The following DPP10 variants were observed in gnomAD, a reference collection of about 807,000 sequenced individuals.
The protein encoded by DPP10 is inactive dipeptidyl peptidase 10.
In DPP10, 33 loss-of-function variants were observed where a neutral mutation model predicts 120.9. The observed-to-expected ratio is 0.27, with a 90% CI of 0.21 to 0.37. DPP10 has a LOEUF of 0.37. Ranked by LOEUF, DPP10 falls within the 10% of genes least tolerant of loss-of-function variation. The pLI is 1.00. For missense variants in DPP10, 816 were observed against 942.8 expected, an observed-to-expected ratio of 0.87 and a Z score of 1.76; for synonymous variants, 337 against 326.1, an observed-to-expected ratio of 1.03 and a Z score of -0.36.
rs547711658 is a variant in DPP10, at chr2:114,953,994, T to C, written c.61-355245T>C. 1.1e-4 allele frequency among the ~76,000 whole-genome samples: 17 copies of C among 152,026 alleles called. No homozygotes were observed. The South Asian group carries it at 3.5e-3, about 32-fold the overall frequency. ...CTTATTTGCATGGGTCAAGACTTCT[T>C]GGAATTGTTCAACCAAAACAAAATG... is the stretch of plus-strand genomic sequence containing the variant. On this transcript the variant is annotated intron_variant, in intron 1 of 25. Coordinates refer to ENST00000410059, the MANE Select transcript of DPP10 (RefSeq NM_020868.6).
chr2:115,214,873 C>T (rs2056726652), intron 1 of DPP10, among the ~76,000 whole-genome samples: 1 of 152,166 alleles, frequency 6.6e-6, no homozygotes, highest in Non-Finnish European at 1.5e-5. Flanking sequence ...GTTTCCCAAT[C>T]CACTCGAATT....
At chr2:114,849,553 C>T (rs1688790640) in intron 1 of DPP10, among the ~76,000 whole-genome samples, 1 of 152,004 alleles carries the variant, frequency 6.6e-6, no homozygotes, top group Admixed American at 6.6e-5. Flanking sequence ...ACCCAGGCTG[C>T]TCTTGAACTC....
chr2:114,771,259 A>C (rs1487056324), intron 1 of DPP10, among the ~76,000 whole-genome samples: 3 of 152,196 alleles, frequency 2.0e-5, no homozygotes. Context: ...GTTGCAGGAG[A>C]CATTAGCCAT....
intron 1 of DPP10, among the ~76,000 whole-genome samples, chr2:114,466,526 A>T (rs1679394876): frequency 6.6e-6 from 1 of 152,044 alleles, no homozygotes; most frequent in Non-Finnish European, 1.5e-5. Context: ...GAGCTATGTG[A>T]CCTTAGGCAG....
intron 1 of DPP10, among the ~76,000 whole-genome samples, chr2:115,214,679 A>G (rs993714314): frequency 2.6e-5 from 4 of 152,142 alleles, no homozygotes; most frequent in East Asian, 1.9e-4. Flanking sequence ...CCTTTATTCA[A>G]TAACACTCAA....
At chr2:114,653,954 T>TG (rs1417433424) in intron 1 of DPP10, among the ~76,000 whole-genome samples, 1 of 152,180 alleles carries the variant, frequency 6.6e-6, no homozygotes, top group African/African-American at 2.4e-5. Flanking sequence ...TTCAATCTCT[T>TG]GGGGGTAATC....
chr2:115,764,640 A>G (rs1014231465), intron 12 of DPP10, among the ~76,000 whole-genome samples: 3 of 151,964 alleles, frequency 2.0e-5, no homozygotes, highest in African/African-American at 7.3e-5. Flanking sequence ...AGATTATGCT[A>G]TCTAATTTTT....
At chr2:114,582,128 C>CATAA (rs1690578359) in intron 1 of DPP10, among the ~76,000 whole-genome samples, 1 of 152,148 alleles carries the variant, frequency 6.6e-6, no homozygotes, top group Non-Finnish European at 1.5e-5. Context: ...CCCTCCTTAC[C>CATAA]CTCAACCCCT....
intron 10 of DPP10, among the ~76,000 whole-genome samples, chr2:115,747,450 T>G (rs925018440): frequency 3.9e-5 from 6 of 152,164 alleles, no homozygotes; most frequent in African/African-American, 1.4e-4. Context: ...TCCTTAACTC[T>G]TATCTTTTTC....
intron 3 of DPP10, among the ~76,000 whole-genome samples, chr2:115,349,024 G>A (rs116386810): frequency 0.014 from 2,150 of 152,174 alleles, 20 homozygotes; most frequent in South Asian, 0.035. Flanking sequence ...AAACGATGAG[G>A]AATAACTGTC....
chr2:115,162,242 G>A, intron 1 of DPP10: 1 of 1,562,464 alleles, frequency 6.4e-7, no homozygotes, highest in Non-Finnish European at 8.7e-7. Flanking sequence ...GGATGCGCAA[G>A]GTGGAGAGCC....
intron 8 of DPP10, among the ~76,000 whole-genome samples, chr2:115,728,968 A>G (rs1457199496): frequency 1.3e-5 from 2 of 152,240 alleles, no homozygotes; most frequent in Non-Finnish European, 2.9e-5. Context: ...GTGTACATGT[A>G]TATTTATATC....
intron 7 of DPP10, among the ~76,000 whole-genome samples, chr2:115,715,396 T>C (rs1452618137): frequency 6.6e-6 from 1 of 151,054 alleles, no homozygotes; most frequent in East Asian, 1.9e-4. Flanking sequence ...CTACTGGAAC[T>C]TGTTGGCCCA....
At chr2:114,759,289 A>G (rs1269124411) in intron 1 of DPP10, among the ~76,000 whole-genome samples, 1 of 152,210 alleles carries the variant, frequency 6.6e-6, no homozygotes, top group Non-Finnish European at 1.5e-5. Flanking sequence ...GACTAAACAG[A>G]GAACAGTGAC....
intron 1 of DPP10, chr2:115,131,053 A>C (rs2104787432): frequency 6.6e-6 from 1 of 152,334 alleles, no homozygotes; most frequent in East Asian, 1.9e-4. Context: ...TTCTGTAGCC[A>C]TCTCAATGGG....
chr2:114,603,902 G>C (rs1692577230), intron 1 of DPP10, among the ~76,000 whole-genome samples: 1 of 152,064 alleles, frequency 6.6e-6, no homozygotes, highest in African/African-American at 2.4e-5. Context: ...GACTCATCTT[G>C]TAGTCATATA....
At chr2:115,600,550 A>G (rs1010771076) in intron 5 of DPP10, among the ~76,000 whole-genome samples, 1 of 152,170 alleles carries the variant, frequency 6.6e-6, no homozygotes. Flanking sequence ...CAGGTAATCT[A>G]TTTTTGCACA....
chr2:115,268,705 A>G (rs1574234787), intron 1 of DPP10, among the ~76,000 whole-genome samples: 2 of 152,182 alleles, frequency 1.3e-5, no homozygotes, highest in Non-Finnish European at 2.9e-5. Flanking sequence ...TTTCTATGCT[A>G]TGGATATTTA....
At chr2:115,389,748 A>G (rs560501777) in intron 3 of DPP10, among the ~76,000 whole-genome samples, 1 of 152,308 alleles carries the variant, frequency 6.6e-6, no homozygotes, top group South Asian at 2.1e-4. Flanking sequence ...AACTCTTGAG[A>G]ACATACTCAC....
Sources: gnomAD v4.1 joint callset for allele counts (sites outside exome capture counted in the v4.1 genomes callset) on GRCh38, gnomAD v4.1.1 for gene constraint, MANE v1.5 for transcripts, NCBI Gene and HGNC (gene_info 2026-07-23, HGNC 2026-07-21) for gene names.